The following TNS3 variants were observed in gnomAD, a reference collection of about 807,000 sequenced individuals.
TNS3 encodes tensin 3.
In TNS3, 45 loss-of-function variants were observed where a neutral mutation model predicts 140.9. That is an observed-to-expected ratio of 0.32 (90% CI 0.25 to 0.41). The LOEUF (loss-of-function observed/expected upper bound fraction) is 0.41, where lower values mean the gene tolerates loss of function less well. Among genes scored for constraint, TNS3 ranks in the 10% least tolerant of loss-of-function variants. The pLI is 1.00. For synonymous variants in TNS3, 815 were observed against 788.4 expected (o/e 1.03, Z -0.56); for missense variants, 1,716 against 1,906.7 (o/e 0.90, Z 1.86).
At chr7:47,542,110 C>T (rs1799804776) in intron 1 of TNS3, among the ~76,000 whole-genome samples, 1 of 152,086 alleles carries the variant, frequency 6.6e-6, no homozygotes, top group African/African-American at 2.4e-5. Context: ...TAGGCTGTCA[C>T]TGGTTGATCT....
At chr7:47,468,409 C>T (rs1381612334) in intron 4 of TNS3, among the ~76,000 whole-genome samples, 1 of 151,984 alleles carries the variant, frequency 6.6e-6, no homozygotes, top group East Asian at 1.9e-4. Context: ...TCACTGCACT[C>T]CAGCCTGAGC....
chr7:47,333,728 ATCTC>A (rs1170520471), intron 20 of TNS3, among the ~76,000 whole-genome samples: 1 of 152,128 alleles, frequency 6.6e-6, no homozygotes, highest in African/African-American at 2.4e-5. Flanking sequence ...TGTCAAAATA[ATCTC>A]TCTGTCTCTG....
chr7:47,328,029 G>A (rs1788120787), intron 20 of TNS3, among the ~76,000 whole-genome samples: 1 of 152,200 alleles, frequency 6.6e-6, no homozygotes, highest in Non-Finnish European at 1.5e-5. Flanking sequence ...GGGAGGATGT[G>A]GGCCAGACAG....
At chr7:47,460,033 G>A (rs1796416389) in intron 4 of TNS3, among the ~76,000 whole-genome samples, 2 of 152,006 alleles carry the variant, frequency 1.3e-5, no homozygotes, top group Admixed American at 6.6e-5. Context: ...CTAACACGGT[G>A]AAACCTCGTC....
intron 17 of TNS3, among the ~76,000 whole-genome samples, chr7:47,350,003 G>A (rs1325592660): frequency 3.3e-5 from 5 of 152,196 alleles, no homozygotes; most frequent in African/African-American, 1.2e-4. Context: ...CAGCATGTCA[G>A]CAGAGAGCAA....
chr7:47,337,388 G>C (rs1049009904), intron 20 of TNS3, among the ~76,000 whole-genome samples: 3 of 152,200 alleles, frequency 2.0e-5, no homozygotes, highest in Non-Finnish European at 4.4e-5. Context: ...ATCAAGTTAT[G>C]TTTTAGTAAT....
chr7:47,496,282 T>C (rs1201475959), intron 3 of TNS3, among the ~76,000 whole-genome samples: 3 of 152,140 alleles, frequency 2.0e-5, no homozygotes, highest in Non-Finnish European at 2.9e-5. Flanking sequence ...TTTGGGGTCT[T>C]CTAGAAAGGG....
intron 27 of TNS3, among the ~76,000 whole-genome samples, chr7:47,289,018 C>T (rs1473123247): frequency 1.3e-5 from 2 of 152,118 alleles, no homozygotes; most frequent in Admixed American, 6.5e-5. Context: ...TTTGTTTTGG[C>T]CACAGATAAC....
chr7:47,342,302 G>A (rs1789065978), intron 20 of TNS3, among the ~76,000 whole-genome samples: 1 of 152,230 alleles, frequency 6.6e-6, no homozygotes, highest in African/African-American at 2.4e-5. Context: ...CCTCCGGGAA[G>A]TGAAGCCTCT....
intron 20 of TNS3, among the ~76,000 whole-genome samples, chr7:47,341,282 C>A (rs528146404): frequency 1.8e-4 from 27 of 152,312 alleles, no homozygotes; most frequent in African/African-American, 6.5e-4. Flanking sequence ...GATCCCCCCT[C>A]TTCTGTTTTC....
chr7:47,388,616 G>C (rs1792210403), intron 16 of TNS3, among the ~76,000 whole-genome samples: 1 of 152,180 alleles, frequency 6.6e-6, no homozygotes, highest in South Asian at 2.1e-4. Flanking sequence ...TGTAATCCCA[G>C]CACTTTGGGA....
chr7:47,440,559 G>A (rs1795416641), intron 5 of TNS3, among the ~76,000 whole-genome samples: 1 of 152,184 alleles, frequency 6.6e-6, no homozygotes, highest in Non-Finnish European at 1.5e-5. Context: ...AGGACTGGCA[G>A]TGTGGAGTCA....
chr7:47,404,019 T>G (rs1793304044), intron 13 of TNS3, among the ~76,000 whole-genome samples: 1 of 152,288 alleles, frequency 6.6e-6, no homozygotes, highest in Admixed American at 6.5e-5. Flanking sequence ...TAACTTTATT[T>G]ACCTGGGTCT....
In TNS3 at chr7:47,400,895, T is replaced by A; in HGVS notation, c.743A>T (p.Lys248Ile). ...GACGTCACGGGTGGCCGAGCGGTATTTCTTGTGGTAGCATTTCACCTGGGT... is the reference window on the plus strand; with the variant it reads ...GACGTCACGGGTGGCCGAGCGGTATATCTTGTGGTAGCATTTCACCTGGGT... Reference protein sequence around the residue: ...GDVMVKCYHKKYRSATRDVIF... With the variant: ...GDVMVKCYHKIYRSATRDVIF... The change falls in exon 14 of 31, where the codon AAA (lysine) becomes ATA (isoleucine). Residue 248 changes from lysine to isoleucine, a missense_variant. By Grantham distance (102) the Lys-to-Ile change is moderately radical. This residue lies in a region of TNS3 where 337 missense variants were observed against 428.9 expected (regional missense o/e 0.79). Transcript: ENST00000311160. 6.2e-7 allele frequency: 1 copy of A among 1,614,198 alleles called. No individual in the cohort carries two copies. Among genetic ancestry groups the A allele is most frequent in the Non-Finnish European group, 8.5e-7 (1 of 1,180,016 alleles).
chr7:47,376,709 T>A (rs1176064470), intron 16 of TNS3, among the ~76,000 whole-genome samples: 1 of 86,674 alleles, frequency 1.2e-5, no homozygotes, highest in Non-Finnish European at 2.8e-5. Flanking sequence ...ATTTCACAGA[T>A]CAACTATCTA....
chr7:47,456,556 A>C (rs1449874885), intron 4 of TNS3, among the ~76,000 whole-genome samples: 1 of 152,168 alleles, frequency 6.6e-6, no homozygotes, highest in East Asian at 1.9e-4. Context: ...AGTATATTAC[A>C]TTATTACTAT....
rs1216259247 is a variant in TNS3 at position 47,493,656 on chromosome 7, A to C, written c.-114-12515T>G. On this transcript the variant is annotated intron_variant, in intron 3 of 30. Transcript: ENST00000311160. ...ACACGCTGAAACCCTGTCTCTACTA[A>C]AAATACAAAAAAAAAAAAAAAAATA... Among the ~76,000 whole-genome samples, 3 of 130,802 alleles carry C rather than the reference A, an allele frequency of 2.3e-5. No homozygotes were observed. The East Asian group carries it at 6.0e-4, about 26-fold the overall frequency. The allele number at this position is 130,802 out of a possible 152,430, so 85.8% of individuals were successfully genotyped here.
rs1229915988 is a variant in TNS3, at chr7:47,293,769, C to T, written c.3736G>A (p.Val1246Met). ...TCATTCGAGCACCCTTTCAACCGCA[C>T]TCCCTTCGGGGTACACTCGATCAAA... ...HFLIECTPKGVRLKGCSNEPY... is the reference protein window; with the variant it reads ...HFLIECTPKGMRLKGCSNEPY... Residue 1246 changes from valine to methionine, a missense_variant, in exon 25 of 31, where the codon GTG (valine) becomes ATG (methionine). Physicochemically the swap from Val to Met is conservative, Grantham distance 21 (BLOSUM62 1). Transcript: ENST00000311160. 1 of 1,614,234 alleles carries T rather than the reference C, an allele frequency of 6.2e-7. No homozygotes were observed. Among genetic ancestry groups the T allele is most frequent in the Non-Finnish European group, 8.5e-7 (1 of 1,180,040 alleles).
chr7:47,376,476 C>T (rs1390478573), intron 16 of TNS3, among the ~76,000 whole-genome samples: 1 of 152,216 alleles, frequency 6.6e-6, no homozygotes, highest in Non-Finnish European at 1.5e-5. Context: ...ATGCGCCCAG[C>T]ACACTGTTAG....
Sources: allele counts gnomAD v4.1 joint callset (sites outside exome capture counted in the v4.1 genomes callset), GRCh38; gene constraint gnomAD v4.1.1; regional missense constraint gnomAD v4.1.1; transcripts MANE v1.5; gene names NCBI Gene and HGNC (gene_info 2026-07-23, HGNC 2026-07-21).